Variants in SCARB1 observed in about 807,000 individuals in gnomAD.
The protein encoded by SCARB1 is CD36 and LIMPII analogous 1.
Under a neutral mutation model 57.2 loss-of-function variants are expected in SCARB1, and 30 were observed. The ratio of observed to expected loss-of-function variants is 0.52; its 90% CI spans 0.39 to 0.71. SCARB1 has a LOEUF of 0.71. SCARB1 is among the 30% of genes least tolerant of loss of function. The pLI, the probability that SCARB1 is intolerant of heterozygous loss-of-function variation, is 0.00. For missense variants in SCARB1, 543 were observed against 671.2 expected (o/e 0.81, Z 2.11); for synonymous variants, 249 against 268.3 (o/e 0.93, Z 0.70).
intron 7 of SCARB1, among the ~76,000 whole-genome samples, chr12:124,801,686 A>G (rs1594234853): frequency 6.6e-6 from 1 of 152,114 alleles, no homozygotes; most frequent in African/African-American, 2.4e-5. Context: ...AGGCTGAGGC[A>G]GGAGAATTGC....
In SCARB1 at chr12:124,782,656, AGGCGCAC is replaced by A. The variant is rs748500148; in HGVS notation, c.*20_*26del. On this transcript the variant is annotated intron_variant, in intron 12 of 12. Transcript: ENST00000261693. Reference sequence around the variant, plus strand: ...CTACTTGATATGGGAGGGGGCGGGGAGGCGCACGGCATTACCTGGTACCCACCTACAG... The same window carrying A: ...CTACTTGATATGGGAGGGGGCGGGGAGGCATTACCTGGTACCCACCTACAG... The A allele has an allele frequency of 2.5e-6, 4 of 1,611,224 alleles. No individual in the cohort carries two copies. The South Asian group carries it at 4.4e-5, about 18-fold the overall frequency.
In SCARB1 at chr12:124,811,975, C is replaced by T. The variant is rs759068321; in HGVS notation, c.631-10G>A. 8 of 1,601,144 alleles carry T rather than the reference C, an allele frequency of 5.0e-6. No homozygotes were observed. In the East Asian group the frequency reaches 1.1e-4, roughly 23 times the overall value. Reference sequence around the variant, plus strand: ...AGTCGGAGTTGTTGAGCTACAGACACAGCAGGGAACAGCATCGTAAGGCTT... The same window carrying T: ...AGTCGGAGTTGTTGAGCTACAGACATAGCAGGGAACAGCATCGTAAGGCTT... On this transcript the variant is annotated splice_polypyrimidine_tract_variant and intron_variant, in intron 4 of 12. Coordinates refer to ENST00000261693, the MANE Select transcript of SCARB1 (RefSeq NM_005505.5).
At chr12:124,802,227 C>CG in intron 7 of SCARB1, among the ~76,000 whole-genome samples, 1 of 151,580 alleles carries the variant, frequency 6.6e-6, no homozygotes, top group Non-Finnish European at 1.5e-5. Context: ...GAACCTGTTA[C>CG]TGCATGAGGC....
intron 12 of SCARB1, 69 bp from the exon 13 acceptor site, chr12:124,778,655 A>T: frequency 2.2e-6 from 2 of 915,104 alleles, no homozygotes; most frequent in Non-Finnish European, 1.4e-6. Context: ...ATCCCCGCCC[A>T]CCACAGCCCT....
intron 1 of SCARB1, among the ~76,000 whole-genome samples, chr12:124,862,022 G>C (rs1439552673): frequency 2.3e-5 from 2 of 88,858 alleles, no homozygotes; most frequent in Admixed American, 2.3e-4. Context: ...CAAGAGACCA[G>C]GTGCTCACTC....
Position 124,786,555 on chromosome 12 carries a change from A to C in SCARB1, c.1255-52T>G, listed in dbSNP as rs2293439. 0.022 allele frequency: 35,797 copies of C among 1,607,464 alleles called. 5,407 individuals carry two copies. The East Asian group carries it at 0.42, about 19-fold the overall frequency. On this transcript the variant is annotated intron_variant, in intron 10 of 12. Transcript: ENST00000261693. ...GAGCTGGGGCCGCAGGCTGCGGGCT[A>C]CAGCGCAGATGCCACCCAACACCTT...
At chr12:124,846,426 A>C (rs2135808619) in intron 1 of SCARB1, among the ~76,000 whole-genome samples, 1 of 152,170 alleles carries the variant, frequency 6.6e-6, no homozygotes, top group African/African-American at 2.4e-5. Flanking sequence ...CATAACCCAG[A>C]AGTGAACACA....
rs1339073202 is a variant in SCARB1 at position 124,822,279 on chromosome 12, ATCC to A, written c.127-4575_127-4573del. On this transcript the variant is annotated intron_variant, in intron 1 of 12. Transcript: ENST00000261693. This position sits in a 1 kb window ranked among gnomAD's most constrained non-coding sequence, Gnocchi z 5.0. ...TTTGATAGTTGGAAACAACTCAAAT[ATCC>A]ATCAACAGATAAATGAATTGCCACA... Among the ~76,000 whole-genome samples, 1 of 152,182 alleles carries A rather than the reference ATCC, an allele frequency of 6.6e-6. No homozygotes were observed. Among genetic ancestry groups the A allele is most frequent in the Non-Finnish European group, 1.5e-5 (1 of 68,038 alleles).
chr12:124,800,100 C>T lies in SCARB1; in HGVS notation c.1128+24G>A, dbSNP rs750319830. On this transcript the variant is annotated intron_variant, in intron 8 of 12. Transcript: ENST00000261693. This position sits in a 1 kb window ranked among gnomAD's most constrained non-coding sequence, Gnocchi z 4.8. ...GCTCCAACCAGGAATCACCCACCCC[C>T]CACAGAGGATGGCAGGGGCTCACCG... 5 of 1,558,800 alleles carry T rather than the reference C, an allele frequency of 3.2e-6. No homozygotes were observed. The highest frequency in any genetic ancestry group is 3.5e-6 in the Non-Finnish European group (4 of 1,130,468).
rs551346224 is a variant in SCARB1 at position 124,858,862 on chromosome 12, G to C, written c.126+4733C>G. Among the ~76,000 whole-genome samples the C allele has an allele frequency of 3.3e-5, 5 of 151,200 alleles. No individual in the cohort carries two copies. The South Asian group carries it at 1.0e-3, about 32-fold the overall frequency. On this transcript the variant is annotated intron_variant, in intron 1 of 12. Coordinates refer to ENST00000261693, the MANE Select transcript of SCARB1 (RefSeq NM_005505.5). ...CCACTGCACTCCAGCCTGGGCGACA[G>C]AGCCAGACTCCGTCTCAAAAAAAAA...
chr12:124,791,870 C>A (rs548463106), intron 9 of SCARB1, among the ~76,000 whole-genome samples: 2 of 151,884 alleles, frequency 1.3e-5, no homozygotes, highest in African/African-American at 4.8e-5. Flanking sequence ...GCAGGAGAAT[C>A]GCTTGAACCC....
At chr12:124,778,634 AC>A in intron 12 of SCARB1, 48 bp from the exon 13 acceptor site, 1 of 1,395,100 alleles carries the variant, frequency 7.2e-7, no homozygotes, top group Non-Finnish European at 9.3e-7. Flanking sequence ...CTGTCACCAA[AC>A]CCCACCCTCA....
chr12:124,823,513 T>G (rs1951021164), intron 1 of SCARB1, among the ~76,000 whole-genome samples: 1 of 152,148 alleles, frequency 6.6e-6, no homozygotes, highest in Non-Finnish European at 1.5e-5. Flanking sequence ...AACTGGAACC[T>G]TTATGCATTG....
intron 1 of SCARB1, among the ~76,000 whole-genome samples, chr12:124,843,496 G>A (rs781028342): frequency 4.6e-5 from 7 of 152,114 alleles, no homozygotes; most frequent in Admixed American, 6.5e-5. Flanking sequence ...GTTTCCACAG[G>A]ACCCAAGTAA....
intron 1 of SCARB1, among the ~76,000 whole-genome samples, chr12:124,840,836 C>T (rs144637505): frequency 3.6e-4 from 55 of 152,260 alleles, no homozygotes; most frequent in African/African-American, 1.2e-3. Context: ...GCCTGGCCCC[C>T]GACACTCCCT....
intron 1 of SCARB1, among the ~76,000 whole-genome samples, chr12:124,837,488 G>T (rs1951700905): frequency 7.4e-6 from 1 of 135,102 alleles, no homozygotes; most frequent in African/African-American, 2.9e-5. Context: ...AGGAAGGAAG[G>T]AAGGAAGGAA....
Position 124,812,229 on chromosome 12 carries a change from T to C in SCARB1, c.631-264A>G, listed in dbSNP as rs1265023343. The stretch of plus-strand genomic sequence containing the variant: ...GAGTCTGGCTTTCCTCCCAGGTAAA[T>C]GGCAGATCACCCCCACCACACCCTA... On this transcript the variant is annotated intron_variant, in intron 4 of 12. Coordinates refer to ENST00000261693, the MANE Select transcript of SCARB1 (RefSeq NM_005505.5). The surrounding 1 kb of genome is among the most constrained non-coding windows in gnomAD (Gnocchi z 4.3). Among the ~76,000 whole-genome samples, 1 of 152,100 alleles carries C rather than the reference T, an allele frequency of 6.6e-6. No individual in the cohort carries two copies. Among genetic ancestry groups the C allele is most frequent in the African/African-American group, 2.4e-5 (1 of 41,416 alleles).
intron 1 of SCARB1, among the ~76,000 whole-genome samples, chr12:124,825,399 G>C (rs559813234): frequency 6.6e-6 from 1 of 151,718 alleles, no homozygotes; most frequent in South Asian, 2.1e-4. Flanking sequence ...GGCCAGGCAC[G>C]GGGGCTCACG....
chr12:124,783,382 C>A (rs1949386790), intron 11 of SCARB1: 1 of 152,418 alleles, frequency 6.6e-6, no homozygotes, highest in Non-Finnish European at 1.5e-5. Context: ...CCATACCTGG[C>A]TCAAGTGGAA....
Sources: gnomAD v4.1 joint callset for allele counts (sites outside exome capture counted in the v4.1 genomes callset) on GRCh38, gnomAD v4.1.1 for gene constraint, Gnocchi (gnomAD v3.1) non-coding constraint, MANE v1.5 for transcripts, NCBI Gene and HGNC (gene_info 2026-07-23, HGNC 2026-07-21) for gene names.